The following CHEK1 variants were observed in gnomAD, a reference collection of about 807,000 sequenced individuals.
CHEK1 encodes the protein checkpoint kinase 1, also known as serine/threonine-protein kinase Chk1.
CHEK1 carries 32 observed loss-of-function variants against 60.2 expected under a neutral mutation model. The observed-to-expected ratio is 0.53, with a 90% CI of 0.40 to 0.71. The LOEUF is 0.71. Ranked by LOEUF, CHEK1 falls within the 30% of genes least tolerant of loss-of-function variation. The pLI is 0.00. For missense variants in CHEK1, 399 were observed against 564.6 expected (o/e 0.71, Z 2.97); for synonymous variants, 179 against 187.2 (o/e 0.96, Z 0.36).
intron 13 of CHEK1, among the ~76,000 whole-genome samples, chr11:125,669,637 C>T (rs1221408184): frequency 6.6e-6 from 1 of 150,888 alleles, no homozygotes; most frequent in Non-Finnish European, 1.5e-5. Flanking sequence ...GATTCTCCTG[C>T]CTCAGCCTTC....
chr11:125,680,782 T>C (rs772111656), downstream of CHEK1: 5 of 1,613,636 alleles, frequency 3.1e-6, no homozygotes, highest in South Asian at 1.1e-5. Flanking sequence ...CCTGTTCATC[T>C]GGATTTAGGA....
rs2136037759 is a variant in CHEK1, at chr11:125,646,812, ATTG to A, written c.1233+2173_1233+2175del. The stretch of plus-strand genomic sequence containing the variant: ...TCCATGCTTTAACTGGCTTGTTTTT[ATTG>A]TTGAGTTGTTAGAGTTCTTTTACAT... On this transcript the variant is annotated intron_variant, in intron 11 of 12. Coordinates refer to ENST00000438015, the MANE Select transcript of CHEK1 (RefSeq NM_001114122.3). Among the ~76,000 whole-genome samples, 2 of 152,016 alleles carry A rather than the reference ATTG, an allele frequency of 1.3e-5. 1 individual carries two copies. Among genetic ancestry groups the A allele is most frequent in the Non-Finnish European group, 2.9e-5 (2 of 67,936 alleles).
chr11:125,671,142 C>G (rs984301681), intron 13 of CHEK1, among the ~76,000 whole-genome samples: 6 of 152,042 alleles, frequency 3.9e-5, no homozygotes, highest in Non-Finnish European at 8.8e-5. Flanking sequence ...ATTTTCCTGC[C>G]TCAGCTTCCC....
At chr11:125,647,209 T>C (rs992716617) in intron 11 of CHEK1, among the ~76,000 whole-genome samples, 1 of 152,216 alleles carries the variant, frequency 6.6e-6, no homozygotes, top group South Asian at 2.1e-4. Context: ...AATGTTTGTA[T>C]GTGAATATTC....
intron 8 of CHEK1, chr11:125,643,576 A>C: frequency 1.9e-6 from 1 of 513,474 alleles, no homozygotes. Context: ...GTATTGTAAA[A>C]TACCTAATTT....
intron 13 of CHEK1, among the ~76,000 whole-genome samples, chr11:125,674,290 CAAAT>C (rs1156305466): frequency 4.6e-5 from 7 of 152,034 alleles, no homozygotes; most frequent in Non-Finnish European, 1.0e-4. Flanking sequence ...GCTATGCTGG[CAAAT>C]AAATGATTAA....
chr11:125,640,878 C>T (rs1015438550), intron 8 of CHEK1, among the ~76,000 whole-genome samples: 2 of 152,162 alleles, frequency 1.3e-5, no homozygotes, highest in Admixed American at 1.3e-4. Flanking sequence ...ATCCACCCAC[C>T]CCGGCCTCCC....
intron 11 of CHEK1, among the ~76,000 whole-genome samples, chr11:125,652,171 C>A (rs1392506490): frequency 6.6e-6 from 1 of 152,184 alleles, no homozygotes; most frequent in African/African-American, 2.4e-5. Flanking sequence ...CTGCTGATCT[C>A]GCTCGGGCTT....
At chr11:125,678,328 G>C, downstream of CHEK1, 1 of 1,604,386 alleles carries the variant, frequency 6.2e-7, no homozygotes, top group Non-Finnish European at 8.5e-7. Context: ...AAGAGAGTTG[G>C]TGAAGCTGAC....
intron 5 of CHEK1, among the ~76,000 whole-genome samples, chr11:125,632,039 G>A (rs1178410709): frequency 6.6e-6 from 1 of 152,036 alleles, no homozygotes; most frequent in Admixed American, 6.6e-5. Context: ...GACAGTGATG[G>A]CTTCTATCAA....
At chr11:125,627,188 A>T (rs1449561880) in intron 2 of CHEK1, among the ~76,000 whole-genome samples, 1 of 152,158 alleles carries the variant, frequency 6.6e-6, no homozygotes, top group Non-Finnish European at 1.5e-5. Context: ...CAAGCTTCTT[A>T]ATGTCATTGT....
chr11:125,663,123 T>C (rs971321176), intron 13 of CHEK1, among the ~76,000 whole-genome samples: 3 of 148,750 alleles, frequency 2.0e-5, no homozygotes, highest in South Asian at 2.2e-4. Flanking sequence ...TTGTCAAATA[T>C]GTCATTTGTG....
rs567659589 is a variant in CHEK1 at position 125,668,767 on chromosome 11, G to C, written c.*28-7161G>C. Among the ~76,000 whole-genome samples, 29 of 152,136 alleles carry C rather than the reference G, an allele frequency of 1.9e-4. 1 individual carries two copies. Among genetic ancestry groups the C allele is most frequent in the African/African-American group, 6.5e-4 (27 of 41,506 alleles). On this transcript the variant is annotated intron_variant, in intron 13 of 13. Coordinates refer to the CHEK1 transcript ENST00000428830. ...AGAGGGGGTCTTGCTGTGTTGCCCA[G>C]GCTGGTCTTGAACTTCAGGGCTTAA...
At chr11:125,664,876 A>C (rs575738733) in intron 13 of CHEK1, among the ~76,000 whole-genome samples, 1 of 152,266 alleles carries the variant, frequency 6.6e-6, no homozygotes, top group East Asian at 1.9e-4. Flanking sequence ...GTGTTTTCCA[A>C]ATGTTTTCTT....
intron 13 of CHEK1, chr11:125,671,644 A>G (rs759663457): frequency 1.3e-5 from 2 of 152,212 alleles, no homozygotes; most frequent in Non-Finnish European, 2.9e-5. Flanking sequence ...AACAGCTCAG[A>G]TTTAGATCTT....
downstream of CHEK1, among the ~76,000 whole-genome samples, chr11:125,661,881 G>T (rs1019270209): frequency 1.3e-5 from 2 of 152,168 alleles, no homozygotes; most frequent in East Asian, 1.9e-4. Context: ...GCATGTAGTT[G>T]TAAGAGTTAA....
chr11:125,626,455 G>A (rs1056117168), intron 1 of CHEK1: 3 of 457,808 alleles, frequency 6.6e-6, no homozygotes, highest in African/African-American at 1.9e-5. Context: ...GTCGTTCGCC[G>A]GAAAGCATTT....
chr11:125,635,367 T>C (rs779495550), intron 6 of CHEK1, 62 bp from the exon 7 acceptor site: 1 of 1,026,100 alleles, frequency 9.7e-7, no homozygotes, highest in Non-Finnish European at 1.4e-6. Context: ...TATATTATTA[T>C]TTTTCCTTGA....
intron 13 of CHEK1, among the ~76,000 whole-genome samples, chr11:125,664,220 C>T (rs511822): frequency 0.89 from 134,399 of 150,630 alleles, 60,000 homozygotes; most frequent in South Asian, 0.95. Context: ...TGCTGATTAG[C>T]CATGTTGAAC....
Sources: gnomAD v4.1 joint callset for allele counts (sites outside exome capture counted in the v4.1 genomes callset) on GRCh38, gnomAD v4.1.1 for gene constraint, MANE v1.5 for transcripts, NCBI Gene and HGNC (gene_info 2026-07-23, HGNC 2026-07-21) for gene names.